Variants in CDH13 observed in about 807,000 individuals in gnomAD.
CDH13 encodes the protein cadherin 13.
In CDH13, 24 loss-of-function variants were observed where a neutral mutation model predicts 63.8. That is an observed-to-expected ratio of 0.38 (90% CI 0.27 to 0.53). CDH13 has a LOEUF of 0.53. Among genes scored for constraint, CDH13 ranks in the 20% least tolerant of loss-of-function variants. The pLI is 0.85. For missense variants in CDH13, 1,049 were observed against 903.1 expected (o/e 1.16, Z -2.07); for synonymous variants, 503 against 355.3 (o/e 1.42, Z -4.67).
intron 1 of CDH13, among the ~76,000 whole-genome samples, chr16:82,655,241 A>G (rs1911166245): frequency 6.6e-6 from 1 of 152,234 alleles, no homozygotes; most frequent in Non-Finnish European, 1.5e-5. Flanking sequence ...AACAGTAAAG[A>G]AAATTCATTA....
chr16:82,689,678 C>T (rs542175634), intron 1 of CDH13, among the ~76,000 whole-genome samples: 7 of 152,050 alleles, frequency 4.6e-5, no homozygotes, highest in South Asian at 2.1e-4. Flanking sequence ...AGCCCCCTCC[C>T]GTTTCTGTAA....
intron 3 of CDH13, 142 bp from the exon 4 acceptor site, chr16:83,125,243 A>G: frequency 3.4e-6 from 2 of 593,638 alleles, no homozygotes; most frequent in South Asian, 4.3e-5. Flanking sequence ...TGTACTTGGT[A>G]ATGCTAATAG....
chr16:83,420,185 T>A (rs2071674752), intron 6 of CDH13, among the ~76,000 whole-genome samples: 1 of 152,178 alleles, frequency 6.6e-6, no homozygotes, highest in South Asian at 2.1e-4. Flanking sequence ...TTGATCCTAC[T>A]CTCAAGGAAC....
intron 1 of CDH13, among the ~76,000 whole-genome samples, chr16:82,714,944 G>A (rs1413112411): frequency 1.7e-5 from 2 of 116,008 alleles, no homozygotes; most frequent in Non-Finnish European, 3.8e-5. Context: ...AACTGTGAGC[G>A]ATCACATTTC....
rs927182562 is a variant in CDH13, at chr16:82,968,665, C to A, written c.158-63345C>A. Among the ~76,000 whole-genome samples, 5 of 152,314 alleles carry A rather than the reference C, an allele frequency of 3.3e-5. 1 individual carries two copies. Among genetic ancestry groups the A allele is most frequent in the Middle Eastern group, 6.8e-3 (2 of 294 alleles). On this transcript the variant is annotated intron_variant, in intron 2 of 13. Transcript: ENST00000567109. ...CTGTGAAGCCATCCTCCCTGCCCCA[C>A]CCAGGCAGGATGAATTATTCTCTTC...
In CDH13 at chr16:83,278,356, C is replaced by G. The variant is rs2089057855; in HGVS notation, c.636+60859C>G. ...GGGCTCCTTAAACCAAAGATACCTT[C>G]TAAGCAAAAGGCACCTTCTAAGCTC... On this transcript the variant is annotated intron_variant, in intron 5 of 13. Transcript: ENST00000567109. Among the ~76,000 whole-genome samples, 2 of 152,258 alleles carry G rather than the reference C, an allele frequency of 1.3e-5. 1 individual carries two copies. The highest frequency in any genetic ancestry group is 4.1e-4 in the South Asian group (2 of 4,824).
chr16:83,099,619 G>T (rs4405539), intron 3 of CDH13, among the ~76,000 whole-genome samples: 1 of 128,418 alleles, frequency 7.8e-6, no homozygotes, highest in Non-Finnish European at 1.7e-5. Flanking sequence ...CCACCGTGCC[G>T]GGCCTCTACA....
At chr16:83,299,317 C>G (rs771737359) in intron 5 of CDH13, among the ~76,000 whole-genome samples, 9 of 152,012 alleles carry the variant, frequency 5.9e-5, no homozygotes, top group Non-Finnish European at 1.2e-4. Flanking sequence ...AGATGAATTC[C>G]CCAGAACATT....
rs1169593017 is a variant in CDH13, at chr16:83,554,661, GC to G, written c.961-47791del. Among the ~76,000 whole-genome samples, 22 of 151,954 alleles carry G rather than the reference GC, an allele frequency of 1.4e-4. No homozygotes were observed. In the East Asian group the frequency reaches 4.3e-3, roughly 29 times the overall value. ...GCAAAAACCACAACCTTGCACAAAG[GC>G]CATCACAACCTTACACACACACACG... On this transcript the variant is annotated intron_variant, in intron 7 of 13. Coordinates refer to ENST00000567109, the MANE Select transcript of CDH13 (RefSeq NM_001257.5).
In CDH13 at chr16:83,161,679, A is replaced by G. The variant is rs137973800; in HGVS notation, c.483+36178A>G. Among the ~76,000 whole-genome samples the G allele has an allele frequency of 1.4e-4, 21 of 152,252 alleles. No individual in the cohort carries two copies. In the East Asian group the frequency reaches 3.9e-3, roughly 28 times the overall value. Reference sequence around the variant, plus strand: ...CATGGATTTGCATATTTATAGAGTTAAAGAATCACCCACCATGGTTCTCTT... The same window carrying G: ...CATGGATTTGCATATTTATAGAGTTGAAGAATCACCCACCATGGTTCTCTT... On this transcript the variant is annotated intron_variant, in intron 4 of 13. Transcript: ENST00000567109.
intron 8 of CDH13, among the ~76,000 whole-genome samples, chr16:83,648,348 A>AACTTTGT (rs1479234624): frequency 2.6e-4 from 40 of 152,004 alleles, no homozygotes; most frequent in Non-Finnish European, 5.6e-4. Flanking sequence ...GGTCACTTTG[A>AACTTTGT]TTCAACGCAA....
At chr16:82,820,422 A>G (rs1452829476) in intron 1 of CDH13, among the ~76,000 whole-genome samples, 1 of 152,184 alleles carries the variant, frequency 6.6e-6, no homozygotes, top group African/African-American at 2.4e-5. Context: ...GAACTAATTT[A>G]TGTCCATTTT....
intron 1 of CDH13, chr16:82,719,424 A>C (rs1252421202): frequency 6.6e-6 from 3 of 455,790 alleles, no homozygotes; most frequent in Non-Finnish European, 1.3e-5. Flanking sequence ...AATGGCTTGG[A>C]GTCTGAGGCT....
chr16:83,280,774 ATGT>A (rs2151855959), intron 5 of CDH13, among the ~76,000 whole-genome samples: 1 of 152,358 alleles, frequency 6.6e-6, no homozygotes, highest in Non-Finnish European at 1.5e-5. Context: ...TGAAAAATAG[ATGT>A]TGTGTTACCA....
intron 8 of CDH13, among the ~76,000 whole-genome samples, chr16:83,612,146 G>A (rs1056707038): frequency 2.0e-5 from 3 of 151,936 alleles, no homozygotes; most frequent in African/African-American, 7.2e-5. Flanking sequence ...TATTTCTCCT[G>A]TTGGTACTAT....
intron 7 of CDH13, among the ~76,000 whole-genome samples, chr16:83,562,999 C>G (rs894302027): frequency 6.6e-6 from 1 of 152,218 alleles, no homozygotes; most frequent in Non-Finnish European, 1.5e-5. Context: ...CCTTTTCTCT[C>G]TGGGTGTGTC....
intron 2 of CDH13, among the ~76,000 whole-genome samples, chr16:83,025,748 G>A (rs1046135810): frequency 1.3e-5 from 2 of 152,142 alleles, no homozygotes; most frequent in Admixed American, 6.5e-5. Flanking sequence ...AATAACAGTT[G>A]CTGGCATGCC....
rs866757707 is a variant in CDH13, at chr16:83,109,818, A to G, written c.367-15567A>G. The stretch of plus-strand genomic sequence containing the variant: ...GGGAAACTGTATCCATTATATTCTC[A>G]TCACCATCACATGTGGTTGAACGGG... On this transcript the variant is annotated intron_variant, in intron 3 of 13. Coordinates refer to ENST00000567109, the MANE Select transcript of CDH13 (RefSeq NM_001257.5). 7.9e-5 allele frequency among the ~76,000 whole-genome samples: 12 copies of G among 152,312 alleles called. No individual in the cohort carries two copies. In the South Asian group the frequency reaches 2.3e-3, roughly 29 times the overall value.
At chr16:83,580,531 G>T (rs1905490745) in intron 7 of CDH13, among the ~76,000 whole-genome samples, 1 of 125,890 alleles carries the variant, frequency 7.9e-6, no homozygotes, top group Admixed American at 9.9e-5. Flanking sequence ...GTCTCCATCT[G>T]CCACCCAGGC....
Sources: gnomAD v4.1 joint callset for allele counts (sites outside exome capture counted in the v4.1 genomes callset) on GRCh38, gnomAD v4.1.1 for gene constraint, MANE v1.5 for transcripts, NCBI Gene and HGNC (gene_info 2026-07-23, HGNC 2026-07-21) for gene names.